Variants in MYT1L observed in about 807,000 individuals in gnomAD.
The protein encoded by MYT1L is myelin transcription factor 1-like protein.
A neutral mutation model predicts 126.7 loss-of-function variants in MYT1L; 12 were observed. That is an observed-to-expected ratio of 0.09 (90% CI 0.06 to 0.15). The LOEUF (loss-of-function observed/expected upper bound fraction) is 0.15, where lower values mean the gene tolerates loss of function less well. Ranked by LOEUF, MYT1L falls within the 10% of genes least tolerant of loss-of-function variation. The pLI is 1.00. For missense variants in MYT1L, 979 were observed against 1,585.2 expected (o/e 0.62, Z 6.49); for synonymous variants, 541 against 604.2 (o/e 0.90, Z 1.53).
At chr2:2,153,444 GCA>G (rs927147986) in intron 3 of MYT1L, among the ~76,000 whole-genome samples, 4 of 152,144 alleles carry the variant, frequency 2.6e-5, no homozygotes, top group Non-Finnish European at 5.9e-5. Context: ...GAGTCCCTCT[GCA>G]CACACACAGG....
At chr2:1,983,510 A>T (rs1431031325) in intron 5 of MYT1L, among the ~76,000 whole-genome samples, 1 of 152,228 alleles carries the variant, frequency 6.6e-6, no homozygotes, top group Non-Finnish European at 1.5e-5. Context: ...TCATTTTCTA[A>T]TGTGTGCACC....
intron 5 of MYT1L, among the ~76,000 whole-genome samples, chr2:1,985,016 G>A (rs1284505986): frequency 3.3e-5 from 5 of 152,024 alleles, no homozygotes; most frequent in Admixed American, 6.6e-5. Flanking sequence ...TCCCCTCCCC[G>A]ACAGAGTCCT....
At chr2:1,938,742 C>G (rs532037459) in intron 9 of MYT1L, among the ~76,000 whole-genome samples, 1 of 152,184 alleles carries the variant, frequency 6.6e-6, no homozygotes, top group Non-Finnish European at 1.5e-5. Flanking sequence ...CCATCTTATG[C>G]AATCAATGTG....
At chr2:2,078,253 G>T (rs1349172792) in intron 3 of MYT1L, among the ~76,000 whole-genome samples, 1 of 151,930 alleles carries the variant, frequency 6.6e-6, no homozygotes, top group Non-Finnish European at 1.5e-5. Context: ...ACAAGAATAT[G>T]GCAAAAATAG....
intron 21 of MYT1L, among the ~76,000 whole-genome samples, chr2:1,819,183 C>T (rs2038146744): frequency 6.6e-6 from 1 of 152,184 alleles, no homozygotes; most frequent in South Asian, 2.1e-4. Context: ...TCGGCAGTGA[C>T]AATCAAAACA....
At chr2:2,157,671 G>A (rs772383223) in intron 3 of MYT1L, among the ~76,000 whole-genome samples, 79 of 152,148 alleles carry the variant, frequency 5.2e-4, no homozygotes, top group Non-Finnish European at 9.3e-4. Context: ...GCCTTCCACT[G>A]GAGCAAAACT....
intron 14 of MYT1L, among the ~76,000 whole-genome samples, chr2:1,893,182 G>C (rs981059458): frequency 6.6e-6 from 1 of 152,208 alleles, no homozygotes; most frequent in African/African-American, 2.4e-5. Context: ...ATTTGTTAGA[G>C]CTATTTAAAT....
chr2:2,245,729 A>G (rs908778213), intron 2 of MYT1L, among the ~76,000 whole-genome samples: 1 of 152,104 alleles, frequency 6.6e-6, no homozygotes, highest in Non-Finnish European at 1.5e-5. Flanking sequence ...CAGTCAGCCC[A>G]GCGCATGCTT....
intron 9 of MYT1L, among the ~76,000 whole-genome samples, chr2:1,938,790 G>A (rs1406036235): frequency 1.3e-5 from 2 of 152,064 alleles, no homozygotes; most frequent in African/African-American, 4.8e-5. Context: ...TATGCCTATT[G>A]GAAACTTACA....
chr2:1,879,581 C>T (rs537071682), intron 18 of MYT1L, among the ~76,000 whole-genome samples: 1 of 152,234 alleles, frequency 6.6e-6, no homozygotes, highest in South Asian at 2.1e-4. Context: ...ATGTGTCCAT[C>T]TTTGAAACCT....
intron 21 of MYT1L, among the ~76,000 whole-genome samples, chr2:1,820,503 A>G (rs908779747): frequency 2.0e-5 from 3 of 152,156 alleles, no homozygotes; most frequent in African/African-American, 4.8e-5. Context: ...CTGCGAAGGT[A>G]TTTTGTAGAG....
At chr2:1,918,460 C>T (rs778509957) in intron 10 of MYT1L, among the ~76,000 whole-genome samples, 4 of 152,174 alleles carry the variant, frequency 2.6e-5, no homozygotes, top group Non-Finnish European at 5.9e-5. Context: ...TTCCATTAAT[C>T]AGGCCAATCA....
intron 1 of MYT1L, among the ~76,000 whole-genome samples, chr2:2,311,185 C>A (rs1027826110): frequency 1.3e-4 from 20 of 152,144 alleles, no homozygotes; most frequent in African/African-American, 4.8e-4. Context: ...GTTTGATAAC[C>A]AAGACCACAT....
chr2:2,200,278 A>G (rs2093005192), intron 2 of MYT1L, among the ~76,000 whole-genome samples: 1 of 152,216 alleles, frequency 6.6e-6, no homozygotes, highest in Non-Finnish European at 1.5e-5. Flanking sequence ...ACAACAAATT[A>G]GCTTAATGAT....
At chr2:2,205,106 C>T (rs1439191289) in intron 2 of MYT1L, among the ~76,000 whole-genome samples, 1 of 101,050 alleles carries the variant, frequency 9.9e-6, no homozygotes, top group East Asian at 3.1e-4. Context: ...ATACAGGGGC[C>T]TGTTGTGGGG....
At chr2:1,824,794 A>G (rs934868693) in intron 21 of MYT1L, 1 of 152,210 alleles carries the variant, frequency 6.6e-6, no homozygotes, top group Admixed American at 6.5e-5. Context: ...TGTTCTTCTT[A>G]TGCATTTTAC....
At chr2:2,210,559 A>T (rs2093470004) in intron 2 of MYT1L, among the ~76,000 whole-genome samples, 1 of 151,876 alleles carries the variant, frequency 6.6e-6, no homozygotes, top group Admixed American at 6.6e-5. Flanking sequence ...TTGCTTCTGG[A>T]TTCTTTATTC....
intron 3 of MYT1L, among the ~76,000 whole-genome samples, chr2:2,094,599 A>G (rs974760347): frequency 1.3e-5 from 2 of 152,240 alleles, no homozygotes; most frequent in African/African-American, 4.8e-5. Context: ...GCCATAAAAA[A>G]TGATGAGTTC....
intron 3 of MYT1L, among the ~76,000 whole-genome samples, chr2:2,071,765 A>C: frequency 6.6e-6 from 1 of 152,144 alleles, no homozygotes; most frequent in Non-Finnish European, 1.5e-5. Flanking sequence ...GAATGGGGGA[A>C]TTGATAAGGG....
Sources: allele counts gnomAD v4.1 joint callset (sites outside exome capture counted in the v4.1 genomes callset), GRCh38; gene constraint gnomAD v4.1.1; transcripts MANE v1.5; gene names NCBI Gene and HGNC (gene_info 2026-07-23, HGNC 2026-07-21).